The following AP1B1 variants were observed in gnomAD, a reference collection of about 807,000 sequenced individuals.
AP1B1 encodes adaptor related protein complex 1 subunit beta 1, also known as AP-1 complex subunit beta-1.
In AP1B1, 36 loss-of-function variants were observed where a neutral mutation model predicts 104.3. The ratio of observed to expected loss-of-function variants is 0.35; its 90% CI spans 0.26 to 0.46. The LOEUF is 0.46. AP1B1 is among the 20% of genes least tolerant of loss of function. The pLI is 1.00. For synonymous variants in AP1B1, 504 were observed against 517.5 expected, an observed-to-expected ratio of 0.97 and a Z score of 0.35; for missense variants, 901 against 1,247.9, an observed-to-expected ratio of 0.72 and a Z score of 4.19.
chr22:29,329,953 CTG>C, intron 21 of AP1B1: 1 of 1,420,606 alleles, frequency 7.0e-7, no homozygotes, highest in Non-Finnish European at 9.2e-7. Context: ...TCCAGGACAA[CTG>C]TGTGCCCCAG....
At chr22:29,369,966 A>G (rs1016033527) in intron 1 of AP1B1, among the ~76,000 whole-genome samples, 1 of 151,976 alleles carries the variant, frequency 6.6e-6, no homozygotes, top group East Asian at 1.9e-4. Context: ...CTGTCTTACA[A>G]TAAAGATCTG....
At chr22:29,344,247 G>C (rs926570953) in intron 11 of AP1B1, among the ~76,000 whole-genome samples, 1 of 152,110 alleles carries the variant, frequency 6.6e-6, no homozygotes, top group African/African-American at 2.4e-5. Context: ...TCAGCCGGAT[G>C]CCTGGAATTA....
chr22:29,330,123 C>A (rs2061534762), intron 21 of AP1B1: 2 of 1,421,570 alleles, frequency 1.4e-6, no homozygotes, highest in African/African-American at 2.9e-5. Context: ...ACCAACTGCA[C>A]CACCTTACAG....
chr22:29,361,020 T>G (rs2148007066), intron 3 of AP1B1, among the ~76,000 whole-genome samples: 1 of 152,298 alleles, frequency 6.6e-6, no homozygotes, highest in East Asian at 1.9e-4. Flanking sequence ...GAGGAAAAAC[T>G]GCTGATGAGG....
intron 4 of AP1B1, chr22:29,359,610 C>T (rs972893051): frequency 7.6e-5 from 39 of 515,492 alleles, no homozygotes; most frequent in Non-Finnish European, 1.2e-4. Flanking sequence ...CCTGGCAGGA[C>T]CTCACACAGG....
intron 1 of AP1B1, among the ~76,000 whole-genome samples, chr22:29,373,191 A>G (rs1012237277): frequency 6.6e-6 from 1 of 152,010 alleles, no homozygotes; most frequent in Non-Finnish European, 1.5e-5. Context: ...GGACTACTTG[A>G]GCCTGGGAGG....
At chr22:29,335,585 C>T (rs1202994981) in intron 16 of AP1B1, among the ~76,000 whole-genome samples, 2 of 152,184 alleles carry the variant, frequency 1.3e-5, no homozygotes, top group Admixed American at 1.3e-4. Flanking sequence ...ACCCCATTTC[C>T]ACCCTCTCCC....
rs1344063937 is a variant in AP1B1, at chr22:29,358,789, C to T, written c.462G>A (p.Gln154=). ...CVAKLHDINA[Q]LVEDQGFLDT... is the part of the protein sequence containing the mutation. The stretch of plus-strand genomic sequence containing the variant: ...CCAGGAAGCCCTGGTCCTCCACCAG[C>T]TGGGCGTTGATGTCGTGGAGCTTGG... The change falls in exon 5 of 23, where the codon CAG becomes CAA. Residue 154 remains glutamine (Q), a synonymous_variant. Transcript: ENST00000357586. The T allele has an allele frequency of 1.7e-5, 27 of 1,614,118 alleles. No homozygotes were observed. Among genetic ancestry groups the T allele is most frequent in the Non-Finnish European group, 2.2e-5 (26 of 1,180,042 alleles).
At chr22:29,354,443 C>T (rs554227352) in intron 7 of AP1B1, among the ~76,000 whole-genome samples, 29 of 152,258 alleles carry the variant, frequency 1.9e-4, no homozygotes, top group Middle Eastern at 3.4e-3. Flanking sequence ...TAGCATGCCC[C>T]CCTCAGCTGT....
chr22:29,331,349 C>T, intron 19 of AP1B1, 100 bp downstream of exon 19: 1 of 1,175,874 alleles, frequency 8.5e-7, no homozygotes, highest in Non-Finnish European at 1.3e-6. Context: ...CATTTACGGG[C>T]AAGGCAGTCC....
intron 1 of AP1B1, among the ~76,000 whole-genome samples, chr22:29,376,202 CAG>C (rs1363663529): frequency 6.6e-6 from 1 of 152,196 alleles, no homozygotes; most frequent in African/African-American, 2.4e-5. Flanking sequence ...AGCCAAACAA[CAG>C]AGTGTTTCAA....
At position 29,359,890 on chromosome 22, in the gene AP1B1, G is replaced by C. The variant is rs745854412; in HGVS notation, c.213C>G (p.Leu71=). 3 of 1,614,104 alleles carry C rather than the reference G, an allele frequency of 1.9e-6. No individual in the cohort carries two copies. Among genetic ancestry groups the C allele is most frequent in the Admixed American group, 1.7e-5 (1 of 60,018 alleles). ...DNLELKKLVY[L]YLMNYAKSQP... ...GACTCTTGGCGTAATTCATCAAGTA[G>C]AGGTATACTAGCTTCTTCAGCTCCA... The change falls in exon 4 of 23, where the codon CTC becomes CTG. Residue 71 remains leucine, a synonymous_variant. Coordinates refer to ENST00000357586, the MANE Select transcript of AP1B1 (RefSeq NM_001127.4).
intron 4 of AP1B1, 195 bp downstream of exon 4, chr22:29,359,629 C>T (rs928219425): frequency 6.1e-5 from 37 of 608,030 alleles, no homozygotes; most frequent in Middle Eastern, 4.5e-4. Context: ...GGATGAGTTA[C>T]GCAGGGTCCT....
rs201592807 is a variant in AP1B1, at chr22:29,339,116, G to A, written c.2037C>T (p.Phe679=). The change falls in exon 16 of 23, where the codon TTC becomes TTT. Residue 679 remains phenylalanine, a synonymous_variant. Transcript: ENST00000357586. ...GTACTGCTGCTGTTGGAGGTGCCACGAAGTTGGTGCCCCCAATCTGGAAAG... is the reference window on the plus strand; with the variant it reads ...GTACTGCTGCTGTTGGAGGTGCCACAAAGTTGGTGCCCCCAATCTGGAAAG... ...DEPEGIGGTN[F]VAPPTAAVPA... is the part of the protein sequence containing the mutation. 31 of 1,614,208 alleles carry A rather than the reference G, an allele frequency of 1.9e-5. No homozygotes were observed. The East Asian group carries it at 3.1e-4, about 16-fold the overall frequency.
Position 29,341,610 on chromosome 22 carries a change from G to A in AP1B1, c.1687C>T (p.Leu563Phe), listed in dbSNP as rs1447758107. 1 of 1,614,252 alleles carries A rather than the reference G, an allele frequency of 6.2e-7. No homozygotes were observed. Among genetic ancestry groups the A allele is most frequent in the South Asian group, 1.1e-5 (1 of 91,088 alleles). ...DLIEPTLLDELICYIGTLASV... is the reference protein window; with the variant it reads ...DLIEPTLLDEFICYIGTLASV... ...GCCAGCGTGCCGATGTAGCAGATAA[G>A]CTCGTCTAACAGTGTGGGCTCGATG... The change falls in exon 13 of 23, where the codon CTT becomes TTT. Residue 563 changes from leucine to phenylalanine, a missense_variant. This residue lies in a region of AP1B1 where 471 missense variants were observed against 696.7 expected (regional missense o/e 0.68). Coordinates refer to ENST00000357586, the MANE Select transcript of AP1B1 (RefSeq NM_001127.4).
At chr22:29,359,560 C>A (rs1366916385) in intron 4 of AP1B1, 5 of 373,632 alleles carry the variant, frequency 1.3e-5, no homozygotes, top group Non-Finnish European at 2.4e-5. Context: ...GCAAAGCATG[C>A]AGGGCAGGGT....
At chr22:29,356,041 A>G (rs1007589257) in intron 6 of AP1B1, among the ~76,000 whole-genome samples, 7 of 152,178 alleles carry the variant, frequency 4.6e-5, no homozygotes, top group African/African-American at 1.7e-4. Flanking sequence ...CCTCATCTGG[A>G]AAGTGGGGGA....
intron 18 of AP1B1, 26 bp downstream of exon 18, chr22:29,331,761 G>A (rs372200882): frequency 9.9e-6 from 16 of 1,614,034 alleles, no homozygotes; most frequent in Non-Finnish European, 1.3e-5. Context: ...GTAAGGACTG[G>A]GGTGCCTGCC....
At chr22:29,379,495 T>C (rs11703651) in intron 1 of AP1B1, among the ~76,000 whole-genome samples, 1 of 152,210 alleles carries the variant, frequency 6.6e-6, no homozygotes, top group Non-Finnish European at 1.5e-5. Context: ...TCTGAAGATC[T>C]GTCAAATTAA....
Sources: gnomAD v4.1 joint callset for allele counts (sites outside exome capture counted in the v4.1 genomes callset) on GRCh38, gnomAD v4.1.1 for gene constraint, gnomAD v4.1.1 regional missense constraint, MANE v1.5 for transcripts, NCBI Gene and HGNC (gene_info 2026-07-23, HGNC 2026-07-21) for gene names.